AKAP12: variants seen among roughly 807,000 people sequenced by gnomAD.
AKAP12 encodes A-kinase anchor protein 12.
AKAP12 carries 32 observed loss-of-function variants against 79.9 expected under a neutral mutation model. The ratio of observed to expected loss-of-function variants is 0.40; its 90% CI spans 0.30 to 0.54. The LOEUF is 0.54. Ranked by LOEUF, AKAP12 falls within the 20% of genes least tolerant of loss-of-function variation. AKAP12 has a pLI of 0.48. For missense variants in AKAP12, 2,074 were observed against 2,177.0 expected (o/e 0.95, Z 0.94); for synonymous variants, 808 against 857.0 (o/e 0.94, Z 1.00).
intron 2 of AKAP12, among the ~76,000 whole-genome samples, chr6:151,244,791 A>G (rs1276082565): frequency 6.6e-6 from 1 of 152,218 alleles, no homozygotes; most frequent in East Asian, 1.9e-4. Flanking sequence ...AAGAGCTGCT[A>G]ATTTCTGATC....
At chr6:151,246,416 T>A (rs1246181360) in intron 2 of AKAP12, among the ~76,000 whole-genome samples, 2 of 152,186 alleles carry the variant, frequency 1.3e-5, no homozygotes, top group African/African-American at 4.8e-5. Flanking sequence ...AGACTCCGTC[T>A]CAAAAACAAA....
At chr6:151,315,334 A>G (rs145870168) in intron 3 of AKAP12, among the ~76,000 whole-genome samples, 7 of 152,268 alleles carry the variant, frequency 4.6e-5, no homozygotes, top group East Asian at 1.9e-4. Context: ...GGTGCCACCT[A>G]TGTGTTCTCA....
intron 3 of AKAP12, among the ~76,000 whole-genome samples, chr6:151,321,256 G>C (rs888396102): frequency 2.0e-5 from 3 of 152,006 alleles, no homozygotes; most frequent in African/African-American, 7.2e-5. Flanking sequence ...CAAAGTGTTG[G>C]GATTATAGGT....
intron 2 of AKAP12, among the ~76,000 whole-genome samples, chr6:151,275,886 A>G (rs918718511): frequency 1.5e-4 from 23 of 152,238 alleles, no homozygotes; most frequent in African/African-American, 4.8e-4. Context: ...GATGAAATCA[A>G]TTGAATACCT....
At chr6:151,274,448 G>A (rs1036182965) in intron 2 of AKAP12, among the ~76,000 whole-genome samples, 1 of 152,024 alleles carries the variant, frequency 6.6e-6, no homozygotes, top group Non-Finnish European at 1.5e-5. Context: ...TGGGTAGTAG[G>A]GAAGTGGTTT....
intron 2 of AKAP12, among the ~76,000 whole-genome samples, chr6:151,289,339 G>A (rs1776568043): frequency 6.6e-6 from 1 of 152,174 alleles, no homozygotes; most frequent in Admixed American, 6.5e-5. Context: ...TGGATAGACT[G>A]TGAATGTATT....
intron 2 of AKAP12, among the ~76,000 whole-genome samples, chr6:151,258,397 A>G (rs915461121): frequency 6.6e-6 from 1 of 152,230 alleles, no homozygotes; most frequent in African/African-American, 2.4e-5. Flanking sequence ...GCATTGGAGA[A>G]GAACTTGAGA....
chr6:151,242,770 T>C lies in AKAP12; in HGVS notation c.162+2046T>C, dbSNP rs78709277. ...TTAGTGTTCTTGCTGTTGTGAATAC[T>C]TCGCAGGGGCAGGGAACACGCCTGG... On this transcript the variant is annotated intron_variant, in intron 2 of 4. Transcript: ENST00000402676. 4.5e-3 allele frequency among the ~76,000 whole-genome samples: 692 copies of C among 152,348 alleles called. 11 individuals are homozygous for C. The highest frequency in any genetic ancestry group is 0.032 in the East Asian group (164 of 5,184).
At chr6:151,334,649 T>G (rs1180865087) in intron 3 of AKAP12, among the ~76,000 whole-genome samples, 4 of 145,916 alleles carry the variant, frequency 2.7e-5, no homozygotes, top group Non-Finnish European at 6.0e-5. Context: ...TGAGACGGAG[T>G]CTTGCTCTGT....
intron 2 of AKAP12, among the ~76,000 whole-genome samples, chr6:151,276,562 G>T (rs979613092): frequency 1.3e-5 from 2 of 152,230 alleles, no homozygotes; most frequent in African/African-American, 4.8e-5. Flanking sequence ...GAAGGGATTT[G>T]GTTCCTCCAG....
chr6:151,354,868 CA>C (rs1371758252), intron 4 of AKAP12, among the ~76,000 whole-genome samples: 1 of 151,976 alleles, frequency 6.6e-6, no homozygotes, highest in Admixed American at 6.6e-5. Context: ...TTTTTGCAGA[CA>C]GGGGTCTTGC....
chr6:151,321,013 G>A lies in AKAP12; in HGVS notation c.319+15110G>A, dbSNP rs190969835. 4.2e-3 allele frequency among the ~76,000 whole-genome samples: 634 copies of A among 151,154 alleles called. 5 individuals carry two copies. The highest frequency in any genetic ancestry group is 0.015 in the African/African-American group (608 of 41,196). The stretch of plus-strand genomic sequence containing the variant: ...CTTTCTTTTTTTTTTTTGAGAGGGA[G>A]TCTTGCTCTGTTGCCCAGGCTGGAG... On this transcript the variant is annotated intron_variant, in intron 3 of 4. Transcript: ENST00000402676.
Position 151,348,697 on chromosome 6 carries a change from C to CCCCTTCTT in AKAP12, c.320-14_320-13insCCCTTCTT. 1.5e-6 allele frequency: 1 copy of CCCCTTCTT among 650,664 alleles called. No homozygotes were observed. The highest frequency in any genetic ancestry group is 2.5e-5 in the South Asian group (1 of 40,482). The allele number at this position is 650,664 out of a possible 1,614,324, so 40.3% of individuals were successfully genotyped here. ...TTCTCTTCTCCCCACCCCCCCGCCC[C>CCCCTTCTT]TTTTTGTTAATAGTTGGACAGAGAG... is the stretch of plus-strand genomic sequence containing the variant. On this transcript the variant is annotated splice_polypyrimidine_tract_variant and intron_variant, in intron 3 of 4. Transcript: ENST00000402676.
At chr6:151,278,816 T>C (rs1028257652) in intron 2 of AKAP12, among the ~76,000 whole-genome samples, 59 of 151,940 alleles carry the variant, frequency 3.9e-4, no homozygotes, top group African/African-American at 8.0e-4. Context: ...TACAGGCACC[T>C]GCCACCATGC....
At position 151,330,284 on chromosome 6, in the gene AKAP12, T is replaced by TC. The variant is rs529349170; in HGVS notation, c.320-18424dup. On this transcript the variant is annotated intron_variant, in intron 3 of 4. Transcript: ENST00000402676. Reference sequence around the variant, plus strand: ...GCCTGAGCAACAGAGCAAGACCCTGTCCCTACCCCACCCCCCAAAAAACAC... The same window carrying TC: ...GCCTGAGCAACAGAGCAAGACCCTGTCCCCTACCCCACCCCCCAAAAAACAC... Among the ~76,000 whole-genome samples, 35 of 152,270 alleles carry TC rather than the reference T, an allele frequency of 2.3e-4. No homozygotes were observed. The South Asian group carries it at 6.9e-3, about 30-fold the overall frequency.
chr6:151,245,958 TC>T (rs1428629154), intron 2 of AKAP12, among the ~76,000 whole-genome samples: 6 of 152,330 alleles, frequency 3.9e-5, no homozygotes, highest in African/African-American at 1.2e-4. Flanking sequence ...GGATGTCTTT[TC>T]ATATCAGGAC....
At chr6:151,276,250 G>A (rs1562717628) in intron 2 of AKAP12, among the ~76,000 whole-genome samples, 1 of 152,126 alleles carries the variant, frequency 6.6e-6, no homozygotes, top group Non-Finnish European at 1.5e-5. Context: ...TTTAAATGTA[G>A]CAAAGCTAAA....
At chr6:151,270,037 C>T (rs566386021) in intron 2 of AKAP12, among the ~76,000 whole-genome samples, 6 of 152,200 alleles carry the variant, frequency 3.9e-5, no homozygotes, top group African/African-American at 1.2e-4. Flanking sequence ...CATGTTATAG[C>T]GTACATCAGT....
intron 2 of AKAP12, among the ~76,000 whole-genome samples, chr6:151,282,272 G>A (rs1426763724): frequency 6.6e-6 from 1 of 152,016 alleles, no homozygotes; most frequent in Non-Finnish European, 1.5e-5. Flanking sequence ...ACCACGCCCA[G>A]CTAATTTTTG....
Sources: allele counts gnomAD v4.1 joint callset (sites outside exome capture counted in the v4.1 genomes callset), GRCh38; gene constraint gnomAD v4.1.1; transcripts MANE v1.5; gene names NCBI Gene and HGNC (gene_info 2026-07-23, HGNC 2026-07-21).